Variants in DEPDC7 observed in about 807,000 individuals in gnomAD.
DEPDC7 encodes the protein DEP domain-containing protein 7.
In DEPDC7, 41 loss-of-function variants were observed where a neutral mutation model predicts 56.6. The ratio of observed to expected loss-of-function variants is 0.72; its 90% CI spans 0.56 to 0.94. The LOEUF is 0.94. DEPDC7 is among the 40% of genes least tolerant of loss of function. DEPDC7 has a pLI of 0.00. For synonymous variants in DEPDC7, 185 were observed against 208.8 expected (o/e 0.89, Z 0.98); for missense variants, 522 against 596.3 (o/e 0.88, Z 1.30).
At position 33,031,404 on chromosome 11, in the gene DEPDC7, T is replaced by C. The variant is rs775352489; in HGVS notation, c.809T>C (p.Ile270Thr). 11 of 1,614,052 alleles carry C rather than the reference T, an allele frequency of 6.8e-6. No homozygotes were observed. Among genetic ancestry groups the C allele is most frequent in the Admixed American group, 1.7e-5 (1 of 60,004 alleles). The change falls in exon 5 of 9, where the codon ATT becomes ACT. Residue 270 changes from isoleucine to threonine, a missense_variant. Transcript: ENST00000241051. ...SQEDEWLSAA[I>T]DCLEYLPDQM... ...GAAGATGAGTGGCTCTCGGCAGCAATTGACTGTTTAGAATACCTTCCAGAC... is the reference window on the plus strand; with the variant it reads ...GAAGATGAGTGGCTCTCGGCAGCAACTGACTGTTTAGAATACCTTCCAGAC...
In DEPDC7 at chr11:33,033,248, T is replaced by C. The variant is rs2273540; in HGVS notation, c.1343-14T>C. 1 of 1,551,206 alleles carries C rather than the reference T, an allele frequency of 6.4e-7. No homozygotes were observed. Among genetic ancestry groups the C allele is most frequent in the Non-Finnish European group, 8.7e-7 (1 of 1,148,364 alleles). ...TTGAGTCATTAACTGAACTTTTTACTTTTAAACTTTAAGGATATATTTATT... is the reference window on the plus strand; with the variant it reads ...TTGAGTCATTAACTGAACTTTTTACCTTTAAACTTTAAGGATATATTTATT... On this transcript the variant is annotated splice_polypyrimidine_tract_variant and intron_variant, in intron 8 of 8. Transcript: ENST00000241051.
intron 1 of DEPDC7, among the ~76,000 whole-genome samples, chr11:33,018,270 C>T (rs1853485652): frequency 6.6e-6 from 1 of 152,188 alleles, no homozygotes; most frequent in African/African-American, 2.4e-5. Context: ...ACCATAAACA[C>T]AATTCTCTTT....
At position 33,021,534 on chromosome 11, in the gene DEPDC7, A is replaced by G. The variant is rs535595513; in HGVS notation, c.74-4125A>G. ...TGACGATAAATAAGTTTCAAACCATATATGTTCAGCTGGTGAAGTCAGCAT... is the reference window on the plus strand; with the variant it reads ...TGACGATAAATAAGTTTCAAACCATGTATGTTCAGCTGGTGAAGTCAGCAT... On this transcript the variant is annotated intron_variant, in intron 1 of 8. Transcript: ENST00000241051. Among the ~76,000 whole-genome samples the G allele has an allele frequency of 3.9e-5, 6 of 152,342 alleles. No individual in the cohort carries two copies. The South Asian group carries it at 1.0e-3, about 26-fold the overall frequency.
chr11:33,027,932 A>G, intron 3 of DEPDC7, 119 bp downstream of exon 3: 2 of 1,026,908 alleles, frequency 1.9e-6, no homozygotes, highest in Non-Finnish European at 1.3e-6. Flanking sequence ...AGAGTGCACT[A>G]TGTATTAAAG....
At chr11:33,017,558 CTGT>C (rs1381945982) in intron 1 of DEPDC7, among the ~76,000 whole-genome samples, 4 of 152,320 alleles carry the variant, frequency 2.6e-5, no homozygotes, top group East Asian at 3.9e-4. Context: ...GAGGGGCCCG[CTGT>C]TGTTCTCACT....
At chr11:33,033,114 A>C (rs1457551651) in intron 8 of DEPDC7, 147 bp downstream of exon 8, 12 of 894,036 alleles carry the variant, frequency 1.3e-5, no homozygotes, top group Non-Finnish European at 2.0e-5. Flanking sequence ...CAACTTTACA[A>C]GTGTTAGAAA....
At position 33,027,730 on chromosome 11, in the gene DEPDC7, G is replaced by A; in HGVS notation, c.509G>A (p.Ser170Asn). 2 of 1,573,192 alleles carry A rather than the reference G, an allele frequency of 1.3e-6. No individual in the cohort carries two copies. The highest frequency in any genetic ancestry group is 2.4e-5 in the East Asian group (1 of 42,288). Reference sequence around the variant, plus strand: ...AAGTCATCCGATATCAGATCAGCCAGTTTAGAGGACCTGTGGGAAAATCTG... The same window carrying A: ...AAGTCATCCGATATCAGATCAGCCAATTTAGAGGACCTGTGGGAAAATCTG... ...LFKSSDIRSASLEDLWENLSL... is the reference protein window; with the variant it reads ...LFKSSDIRSANLEDLWENLSL... Residue 170 changes from serine (S) to asparagine (N), a missense_variant, in exon 3 of 9, where the codon AGT becomes AAT. Coordinates refer to ENST00000241051, the MANE Select transcript of DEPDC7 (RefSeq NM_001077242.2).
intron 5 of DEPDC7, among the ~76,000 whole-genome samples, chr11:33,032,118 G>A (rs978326916): frequency 6.6e-6 from 1 of 152,232 alleles, no homozygotes. Flanking sequence ...AATGCCAGAA[G>A]ATATTATATG....
At chr11:33,017,232 G>A (rs1853473856) in intron 1 of DEPDC7, among the ~76,000 whole-genome samples, 2 of 152,172 alleles carry the variant, frequency 1.3e-5, no homozygotes, top group African/African-American at 4.8e-5. Context: ...GTGAAGAGAA[G>A]ACAAATGCTA....
In DEPDC7 at chr11:33,016,188, C is replaced by G. The variant is rs1358842093; in HGVS notation, c.73+160C>G. 2.4e-6 allele frequency: 3 copies of G among 1,266,294 alleles called. No individual in the cohort carries two copies. The East Asian group carries it at 9.6e-5, about 41-fold the overall frequency. The allele number at this position is 1,266,294 out of a possible 1,614,324, so 78.4% of individuals were successfully genotyped here. On this transcript the variant is annotated intron_variant, in intron 1 of 8. Transcript: ENST00000241051. Reference sequence around the variant, plus strand: ...CAGCTGCGACCACTTGGCCAACGCCCCCGCCGAGCGGGCGGATCGAGTTCC... The same window carrying G: ...CAGCTGCGACCACTTGGCCAACGCCGCCGCCGAGCGGGCGGATCGAGTTCC...
intron 1 of DEPDC7, 197 bp downstream of exon 1, chr11:33,016,225 T>G (rs571827651): frequency 9.9e-6 from 13 of 1,306,800 alleles, no homozygotes; most frequent in African/African-American, 1.5e-5. Context: ...CTCTGGCTGG[T>G]GGGCTGCAAG....
chr11:33,028,927 A>C, intron 4 of DEPDC7, 135 bp downstream of exon 4: 2 of 549,508 alleles, frequency 3.6e-6, no homozygotes, highest in South Asian at 7.4e-5. Flanking sequence ...GTATTTGAGA[A>C]TGTGAAGAAC....
At chr11:33,031,917 C>G (rs1233323822) in intron 5 of DEPDC7, among the ~76,000 whole-genome samples, 1 of 152,162 alleles carries the variant, frequency 6.6e-6, no homozygotes, top group African/African-American at 2.4e-5. Context: ...AAATGGCAGA[C>G]TCTCTGCTTT....
chr11:33,020,800 C>A (rs2133658583), intron 1 of DEPDC7, among the ~76,000 whole-genome samples: 1 of 152,314 alleles, frequency 6.6e-6, no homozygotes, highest in South Asian at 2.1e-4. Context: ...ACTGTGCCTG[C>A]CCTGGCAGTT....
At chr11:33,030,160 A>G (rs980755184) in intron 4 of DEPDC7, among the ~76,000 whole-genome samples, 1 of 152,156 alleles carries the variant, frequency 6.6e-6, no homozygotes, top group Non-Finnish European at 1.5e-5. Context: ...GGGTTTCACC[A>G]TATTGGCCAG....
chr11:33,020,567 A>G (rs565793440), intron 1 of DEPDC7, among the ~76,000 whole-genome samples: 2 of 152,322 alleles, frequency 1.3e-5, no homozygotes, highest in African/African-American at 2.4e-5. Context: ...TTTCTTGCCT[A>G]TAGATCTGCC....
intron 6 of DEPDC7, 82 bp downstream of exon 6, chr11:33,032,560 A>G: frequency 7.1e-7 from 1 of 1,406,432 alleles, no homozygotes; most frequent in East Asian, 2.4e-5. Context: ...CATCTTCAGC[A>G]TCAAGTATGC....
rs1564966494 is a variant in DEPDC7 at position 33,032,473 on chromosome 11, A to G, written c.1132A>G (p.Lys378Glu). 6.4e-7 allele frequency: 1 copy of G among 1,557,746 alleles called. No homozygotes were observed. The highest frequency in any genetic ancestry group is 2.0e-4 in the Middle Eastern group (1 of 5,070). Residue 378 changes from lysine to glutamate, a missense_variant, in exon 6 of 9, where the codon AAA becomes GAA. Lys to Glu is a moderately conservative substitution (Grantham distance 56). Transcript: ENST00000241051. ...AANPSEFKLQ[K>E]ESDNRMVVKR... is the part of the protein sequence containing the mutation. ...AAATCCTTCTGAGTTTAAATTACAG[A>G]AAGAAGTAAGTCTTTTGTTTAACTG...
At chr11:33,028,496 C>G in intron 3 of DEPDC7, 107 bp from the exon 4 acceptor site, 2 of 870,200 alleles carry the variant, frequency 2.3e-6, no homozygotes, top group Non-Finnish European at 3.3e-6. Flanking sequence ...CTTTTTCTTT[C>G]TTTTTGGCCA....
Sources: allele counts gnomAD v4.1 joint callset (sites outside exome capture counted in the v4.1 genomes callset), GRCh38; gene constraint gnomAD v4.1.1; transcripts MANE v1.5; gene names NCBI Gene and HGNC (gene_info 2026-07-23, HGNC 2026-07-21).